Variants in PREX2 observed in about 807,000 individuals in gnomAD.
The protein encoded by PREX2 is phosphatidylinositol-3,4,5-trisphosphate dependent Rac exchange factor 2.
In PREX2, 107 loss-of-function variants were observed where a neutral mutation model predicts 203.2. The ratio of observed to expected loss-of-function variants is 0.53; its 90% confidence interval spans 0.45 to 0.62. The LOEUF (loss-of-function observed/expected upper bound fraction) is 0.62, where lower values mean the gene tolerates loss of function less well. Ranked by LOEUF, PREX2 falls within the 20% of genes least tolerant of loss-of-function variation. PREX2 has a pLI of 0.00. For missense variants in PREX2, 1,777 were observed against 1,955.9 expected, an observed-to-expected ratio of 0.91 and a Z score of 1.72; for synonymous variants, 672 against 663.6, an observed-to-expected ratio of 1.01 and a Z score of -0.19.
At chr8:68,068,834 G>T (rs1262543105) in intron 11 of PREX2, among the ~76,000 whole-genome samples, 199 bp from the exon 12 acceptor site, 1 of 107,488 alleles carries the variant, frequency 9.3e-6, no homozygotes, top group East Asian at 2.4e-4. Flanking sequence ...TATGGAAACT[G>T]TAATATTTTT....
intron 35 of PREX2, among the ~76,000 whole-genome samples, chr8:68,158,635 A>C (rs2129613959): frequency 6.6e-6 from 1 of 152,278 alleles, no homozygotes; most frequent in East Asian, 1.9e-4. Context: ...CTTTATGTTA[A>C]GTTACAGCTA....
At chr8:68,220,674 T>C in intron 38 of PREX2, among the ~76,000 whole-genome samples, 1 of 152,122 alleles carries the variant, frequency 6.6e-6, no homozygotes, top group East Asian at 1.9e-4. Flanking sequence ...AGGGAGCAAA[T>C]GAGTAGACTG....
At chr8:68,106,947 GACTCTGAATCC>G (rs1472346053) in intron 23 of PREX2, among the ~76,000 whole-genome samples, 1 of 152,122 alleles carries the variant, frequency 6.6e-6, no homozygotes, top group Non-Finnish European at 1.5e-5. Context: ...GGTAGCTAGT[GACTCTGAATCC>G]TTTGCTTTTG....
intron 35 of PREX2, among the ~76,000 whole-genome samples, chr8:68,160,829 G>A (rs1250364113): frequency 1.3e-5 from 2 of 152,036 alleles, no homozygotes; most frequent in African/African-American, 4.8e-5. Context: ...GACAGTATGA[G>A]ACCAACAGAA....
intron 15 of PREX2, 132 bp downstream of exon 15, chr8:68,077,601 T>C: frequency 1.4e-6 from 1 of 725,038 alleles, no homozygotes; most frequent in Non-Finnish European, 2.5e-6. Context: ...TTGCCATGGG[T>C]TCAGGTTGGG....
chr8:68,027,456 GC>G lies in PREX2; in HGVS notation c.543+135del, dbSNP rs979532234. 9.5e-5 allele frequency: 60 copies of G among 632,902 alleles called. No homozygotes were observed. The African/African-American group carries it at 1.0e-3, about 11-fold the overall frequency. The allele number at this position is 632,902 out of a possible 1,614,324, so 39.2% of individuals were successfully genotyped here. A position where few individuals can be genotyped will look rare whatever the true frequency, so the allele number is the denominator to read the frequency against. ...AGACCATAAGTATTGGAAAAAAGTG[GC>G]CATTTTGTCACAAATTTATATATAG... On this transcript the variant is annotated intron_variant, in intron 5 of 39. Transcript: ENST00000288368.
At position 68,027,261 on chromosome 8, in the gene PREX2, C is replaced by T. The variant is rs1303990934; in HGVS notation, c.481C>T (p.Pro161Ser). The part of the protein sequence containing the change: ...LLGGRKNTDV[P>S]LEGYLVTPIQ... The stretch of plus-strand genomic sequence containing the variant: ...TGGAGGACGGAAGAACACAGATGTT[C>T]CCTTGGAAGGATATTTAGTAACACC... The change falls in exon 5 of 40, where the codon CCC becomes TCC. Residue 161 changes from proline (P) to serine (S), a missense_variant. By Grantham distance (74) the Pro-to-Ser change is moderately conservative (BLOSUM62 -1). Coordinates refer to ENST00000288368, the MANE Select transcript of PREX2 (RefSeq NM_024870.4). 2.5e-6 allele frequency: 4 copies of T among 1,612,294 alleles called. No homozygotes were observed. The highest frequency in any genetic ancestry group is 3.4e-6 in the Non-Finnish European group (4 of 1,178,644).
At position 68,019,675 on chromosome 8, in the gene PREX2, G is replaced by T; in HGVS notation, c.336+4G>T. 6.3e-7 allele frequency: 1 copy of T among 1,596,822 alleles called. No individual in the cohort carries two copies. The highest frequency in any genetic ancestry group is 1.1e-5 in the South Asian group (1 of 87,048). ...GGGAACCTGCTTTCTTCACTTTGTA[G>T]GATAAATTTCTTTTTATTTTAAAAG... On this transcript the variant is annotated splice_donor_region_variant and intron_variant, in intron 3 of 39. Coordinates refer to ENST00000288368, the MANE Select transcript of PREX2 (RefSeq NM_024870.4).
chr8:68,007,884 C>T (rs976217303), intron 1 of PREX2, among the ~76,000 whole-genome samples: 1 of 152,238 alleles, frequency 6.6e-6, no homozygotes, highest in African/African-American at 2.4e-5. Context: ...GCTGGGATTA[C>T]AGGCATGAGC....
chr8:68,108,209 A>T lies in PREX2; in HGVS notation c.2816A>T (p.His939Leu). Residue 939 changes from histidine to leucine, a missense_variant, in exon 24 of 40, where the codon CAT (histidine) becomes CTT (leucine). Physicochemically the swap from His to Leu is moderately conservative, Grantham distance 99. Coordinates refer to ENST00000288368, the MANE Select transcript of PREX2 (RefSeq NM_024870.4). ...AGTGATTTCTGCCCTACCAACTGCC[A>T]TGTCAATGTGATGGAAGTTTCTTAT... Reference protein sequence around the residue: ...HSSDFCPTNCHVNVMEVSYPK... With the variant: ...HSSDFCPTNCLVNVMEVSYPK... 6.2e-7 allele frequency: 1 copy of T among 1,614,066 alleles called. No individual in the cohort carries two copies. Among genetic ancestry groups the T allele is most frequent in the Non-Finnish European group, 8.5e-7 (1 of 1,179,950 alleles).
intron 5 of PREX2, among the ~76,000 whole-genome samples, chr8:68,029,054 A>G (rs532845966): frequency 6.6e-6 from 1 of 152,206 alleles, no homozygotes; most frequent in South Asian, 2.1e-4. Flanking sequence ...TCTGTGTTGT[A>G]CCATCAGCTG....
rs749798295 is a variant in PREX2 at position 67,959,787 on chromosome 8, A to C, written c.141+7252A>C. 2.0e-5 allele frequency among the ~76,000 whole-genome samples: 3 copies of C among 152,282 alleles called. No individual in the cohort carries two copies. The East Asian group carries it at 5.8e-4, about 29-fold the overall frequency. On this transcript the variant is annotated intron_variant, in intron 1 of 39. Transcript: ENST00000288368. Reference sequence around the variant, plus strand: ...GTGGCCCCTTGTGAACACATACCAGAGGCTCTCCCTCCCACACTGGGACAG... The same window carrying C: ...GTGGCCCCTTGTGAACACATACCAGCGGCTCTCCCTCCCACACTGGGACAG...
At chr8:68,228,678 A>C (rs1813100396) in intron 39 of PREX2, among the ~76,000 whole-genome samples, 1 of 152,018 alleles carries the variant, frequency 6.6e-6, no homozygotes, top group South Asian at 2.1e-4. Context: ...AGACAGGAGA[A>C]TCTCCTGAAC....
chr8:68,074,740 A>G (rs77000708), intron 14 of PREX2, among the ~76,000 whole-genome samples: 1 of 152,298 alleles, frequency 6.6e-6, no homozygotes, highest in African/African-American at 2.4e-5. Flanking sequence ...TGAAATGATA[A>G]TATTGAATGT....
intron 1 of PREX2, among the ~76,000 whole-genome samples, chr8:68,003,357 A>G (rs1420305302): frequency 2.0e-5 from 2 of 99,490 alleles, no homozygotes; most frequent in Middle Eastern, 4.6e-3. Context: ...GATTAAAACA[A>G]TGTGACTCTT....
chr8:68,091,222 G>A (rs1312579810), intron 20 of PREX2, among the ~76,000 whole-genome samples: 2 of 152,138 alleles, frequency 1.3e-5, no homozygotes, highest in African/African-American at 2.4e-5. Context: ...AATGTATTTA[G>A]GTAACTGCAT....
At chr8:68,005,256 C>T (rs1266155538) in intron 1 of PREX2, among the ~76,000 whole-genome samples, 1 of 152,150 alleles carries the variant, frequency 6.6e-6, no homozygotes, top group Non-Finnish European at 1.5e-5. Flanking sequence ...CAAACCCTGC[C>T]AGCAATAACT....
chr8:68,109,531 A>G lies in PREX2; in HGVS notation c.3054A>G (p.Glu1018=). The change falls in exon 25 of 40, where the codon GAA becomes GAG. Residue 1018 remains glutamate (E), a synonymous_variant. Transcript: ENST00000288368. ...GHGLRYLLKE[E]DLETQDIYQK... ...GTCTCAGGTATCTGCTAAAAGAAGA[A>G]GACTTAGAAACCCAAGACATCTATC... 2 of 1,614,094 alleles carry G rather than the reference A, an allele frequency of 1.2e-6. No individual in the cohort carries two copies. The highest frequency in any genetic ancestry group is 1.3e-5 in the African/African-American group (1 of 75,040).
chr8:68,184,232 T>C (rs1812142774), intron 35 of PREX2, among the ~76,000 whole-genome samples: 1 of 152,190 alleles, frequency 6.6e-6, no homozygotes, highest in African/African-American at 2.4e-5. Flanking sequence ...TTTTCATTTA[T>C]ACAAGAGATC....
Sources: gnomAD v4.1 joint callset for allele counts (sites outside exome capture counted in the v4.1 genomes callset) on GRCh38, gnomAD v4.1.1 for gene constraint, MANE v1.5 for transcripts, NCBI Gene and HGNC (gene_info 2026-07-23, HGNC 2026-07-21) for gene names.